WDFY4: variants seen among roughly 807,000 people sequenced by gnomAD.
WDFY4 encodes WD repeat- and FYVE domain-containing protein 4.
Under a neutral mutation model 351.9 loss-of-function variants are expected in WDFY4, and 169 were observed. The ratio of observed to expected loss-of-function variants is 0.48; its 90% CI spans 0.42 to 0.55. The LOEUF (loss-of-function observed/expected upper bound fraction) is 0.55, where lower values mean the gene tolerates loss of function less well. WDFY4 is among the 20% of genes least tolerant of loss of function. The probability of loss-of-function intolerance (pLI) is 0.00; values close to 1 mark genes in which losing one functional copy is unlikely to be tolerated. For synonymous variants in WDFY4, 1,622 were observed against 1,574.6 expected, an observed-to-expected ratio of 1.03 and a Z score of -0.71; for missense variants, 3,803 against 3,935.6, an observed-to-expected ratio of 0.97 and a Z score of 0.90.
In WDFY4 at chr10:48,822,373, T is replaced by A. The variant is rs933377704; in HGVS notation, c.5825-7T>A. 2 of 1,536,470 alleles carry A rather than the reference T, an allele frequency of 1.3e-6. No homozygotes were observed. Among genetic ancestry groups the A allele is most frequent in the African/African-American group, 1.4e-5 (1 of 72,832 alleles). On this transcript the variant is annotated splice_region_variant and splice_polypyrimidine_tract_variant and intron_variant, in intron 34 of 61. Coordinates refer to ENST00000325239, the MANE Select transcript of WDFY4 (RefSeq NM_001394531.1). Reference sequence around the variant, plus strand: ...CTCTCACCTCCACCTGTCCCCTCACTCCACAGACGGCAAAGAGCCTCAGCC... The same window carrying A: ...CTCTCACCTCCACCTGTCCCCTCACACCACAGACGGCAAAGAGCCTCAGCC...
At chr10:48,946,385 G>A (rs1352800080) in intron 50 of WDFY4, among the ~76,000 whole-genome samples, 3 of 152,242 alleles carry the variant, frequency 2.0e-5, no homozygotes, top group Non-Finnish European at 4.4e-5. Context: ...GCACAGCCCA[G>A]GGGATTCTAA....
Position 48,775,851 on chromosome 10 carries a change from G to A in WDFY4, c.2863+45G>A, listed in dbSNP as rs1398191341. 4 of 1,486,270 alleles carry A rather than the reference G, an allele frequency of 2.7e-6. No individual in the cohort carries two copies. In the South Asian group the frequency reaches 4.8e-5, roughly 18 times the overall value. 92.1% of individuals were successfully genotyped at this position (1,486,270 alleles called of 1,614,324 possible). ...CGGGGCAGGTTAATGGGAAGTAAAA[G>A]ATGATAGGCATTCCTGCTGAGGGAT... On this transcript the variant is annotated intron_variant, in intron 15 of 61. Transcript: ENST00000325239.
intron 52 of WDFY4, among the ~76,000 whole-genome samples, chr10:48,959,427 G>A (rs1430483758): frequency 6.6e-6 from 1 of 152,180 alleles, no homozygotes; most frequent in African/African-American, 2.4e-5. Context: ...ACAGTACAGT[G>A]CAGAGGAAGA....
chr10:48,758,566 T>C (rs2065404031), intron 12 of WDFY4, among the ~76,000 whole-genome samples: 1 of 152,218 alleles, frequency 6.6e-6, no homozygotes, highest in Middle Eastern at 3.2e-3. Context: ...TTAGATCCTT[T>C]GTTACACATG....
At chr10:48,845,136 G>T (rs1031857718) in intron 39 of WDFY4, among the ~76,000 whole-genome samples, 1 of 152,320 alleles carries the variant, frequency 6.6e-6, no homozygotes, top group East Asian at 1.9e-4. Flanking sequence ...ACACCCCTTG[G>T]GGGAGTGGGA....
intron 39 of WDFY4, among the ~76,000 whole-genome samples, chr10:48,848,940 C>T (rs2068867783): frequency 6.6e-6 from 1 of 152,216 alleles, no homozygotes; most frequent in African/African-American, 2.4e-5. Flanking sequence ...GGACAGGTGG[C>T]AAGTGGGTTA....
At chr10:48,800,744 T>TC (rs2067058469) in intron 24 of WDFY4, among the ~76,000 whole-genome samples, 1 of 147,764 alleles carries the variant, frequency 6.8e-6, no homozygotes, top group Non-Finnish European at 1.5e-5. Context: ...TTTTTTTTTT[T>TC]TGTTTTGAGA....
At chr10:48,916,359 G>C (rs1237228089) in intron 47 of WDFY4, among the ~76,000 whole-genome samples, 1 of 152,116 alleles carries the variant, frequency 6.6e-6, no homozygotes, top group African/African-American at 2.4e-5. Flanking sequence ...AAATCTGTTT[G>C]GTGTTCTGTT....
chr10:48,927,660 C>T (rs893761205), intron 47 of WDFY4, among the ~76,000 whole-genome samples: 2 of 152,248 alleles, frequency 1.3e-5, no homozygotes, highest in Admixed American at 1.3e-4. Context: ...CAGCGTGGCT[C>T]TGCACATGTG....
At chr10:48,722,810 G>A (rs73306148) in intron 4 of WDFY4, among the ~76,000 whole-genome samples, 11,763 of 152,316 alleles carry the variant, frequency 0.077, 569 homozygotes, top group African/African-American at 0.13. Flanking sequence ...GAAGCTCCTG[G>A]CAGGCTGGTC....
intron 47 of WDFY4, chr10:48,935,094 A>T (rs189158407): frequency 5.9e-5 from 9 of 152,390 alleles, no homozygotes; most frequent in African/African-American, 2.2e-4. Context: ...GGGGAGAAAG[A>T]GAAAAAGTAG....
At chr10:48,839,029 A>C (rs372198584) in intron 39 of WDFY4, among the ~76,000 whole-genome samples, 14 of 152,336 alleles carry the variant, frequency 9.2e-5, no homozygotes, top group African/African-American at 7.2e-5. Context: ...CTCTGCGATG[A>C]CACAGCTGCT....
chr10:48,787,918 CTTCTTCT>C (rs1565198851), intron 20 of WDFY4, among the ~76,000 whole-genome samples: 4 of 62,848 alleles, frequency 6.4e-5, no homozygotes, highest in Non-Finnish European at 1.2e-4. Flanking sequence ...TCTTCTTCTT[CTTCTTCT>C]TCTTCTTCTT....
At chr10:48,768,723 A>AGAGAGAGAGAGAGAG (rs1555000834) in intron 13 of WDFY4, among the ~76,000 whole-genome samples, 20 of 141,068 alleles carry the variant, frequency 1.4e-4, no homozygotes, top group East Asian at 6.9e-4. Flanking sequence ...GGGAGAGGAG[A>AGAGAGAGAGAGAGAG]AGAGAGAGAG....
chr10:48,838,712 C>T (rs1169390583), intron 39 of WDFY4, among the ~76,000 whole-genome samples: 1 of 152,244 alleles, frequency 6.6e-6, no homozygotes, highest in East Asian at 1.9e-4. Context: ...CACTTCCCCC[C>T]TATGCACTGA....
chr10:48,832,789 C>A, intron 39 of WDFY4, 80 bp downstream of exon 39: 2 of 1,415,714 alleles, frequency 1.4e-6, no homozygotes, highest in South Asian at 1.6e-5. Flanking sequence ...TCTTTGCTGC[C>A]TGTTACTAGA....
chr10:48,874,952 C>A, intron 41 of WDFY4, 137 bp from the exon 42 acceptor site: 1 of 414,276 alleles, frequency 2.4e-6, no homozygotes, highest in Non-Finnish European at 4.3e-6. Flanking sequence ...GTGTTTCTCT[C>A]CCTTTGCATC....
chr10:48,888,742 GTTC>G (rs1442387591), intron 43 of WDFY4, among the ~76,000 whole-genome samples: 3 of 152,172 alleles, frequency 2.0e-5, no homozygotes, highest in Admixed American at 6.5e-5. Flanking sequence ...TCCTTGAAAT[GTTC>G]TTCTCCAAGC....
At chr10:48,884,044 C>T (rs2133338693) in intron 43 of WDFY4, 1 of 152,290 alleles carries the variant, frequency 6.6e-6, no homozygotes, top group Non-Finnish European at 1.5e-5. Context: ...GTACAGCTTC[C>T]AGAACCAGTC....
Sources: gnomAD v4.1 joint callset for allele counts (sites outside exome capture counted in the v4.1 genomes callset) on GRCh38, gnomAD v4.1.1 for gene constraint, MANE v1.5 for transcripts, NCBI Gene and HGNC (gene_info 2026-07-23, HGNC 2026-07-21) for gene names.